The following BNC2 variants were observed in gnomAD, a reference collection of about 807,000 sequenced individuals.
BNC2 encodes zinc finger protein basonuclin-2.
BNC2 carries 20 observed loss-of-function variants against 76.3 expected under a neutral mutation model. The observed-to-expected ratio is 0.26, with a 90% CI of 0.18 to 0.38. BNC2 has a LOEUF of 0.38. BNC2 is among the 10% of genes least tolerant of loss of function. BNC2 has a pLI of 1.00. For synonymous variants in BNC2, 582 were observed against 514.8 expected, an observed-to-expected ratio of 1.13 and a Z score of -1.77; for missense variants, 1,382 against 1,399.8, an observed-to-expected ratio of 0.99 and a Z score of 0.20.
rs995670151 is a variant in BNC2, at chr9:16,791,975, G to A, written c.4-53490C>T. On this transcript the variant is annotated intron_variant, in intron 1 of 6. Transcript: ENST00000380672. ...AAATTAGCCAGGTGTGGTTGCTCGT[G>A]CCTGTGGTCCCAACTACTTGGGAGG... Among the ~76,000 whole-genome samples, 6 of 151,872 alleles carry A rather than the reference G, an allele frequency of 4.0e-5. No homozygotes were observed. The East Asian group carries it at 7.8e-4, about 20-fold the overall frequency.
At chr9:16,440,892 G>C (rs139769458) in intron 5 of BNC2, among the ~76,000 whole-genome samples, 13 of 152,252 alleles carry the variant, frequency 8.5e-5, no homozygotes, top group African/African-American at 2.6e-4. Flanking sequence ...TATTTATAGT[G>C]GTAATAGAAG....
intron 5 of BNC2, among the ~76,000 whole-genome samples, chr9:16,467,743 T>C (rs1286916953): frequency 7.0e-6 from 1 of 142,758 alleles, no homozygotes; most frequent in Non-Finnish European, 1.5e-5. Context: ...GATGACACGT[T>C]AGTGGGTGCA....
In BNC2 at chr9:16,698,744, C is replaced by A. The variant is rs537865982; in HGVS notation, c.330+29053G>T. Among the ~76,000 whole-genome samples, 4 of 152,050 alleles carry A rather than the reference C, an allele frequency of 2.6e-5. No homozygotes were observed. The South Asian group carries it at 8.3e-4, about 32-fold the overall frequency. On this transcript the variant is annotated intron_variant, in intron 3 of 6. Transcript: ENST00000380672. ...CTATATTTACGGACATGGAAAGATA[C>A]TTAGGATAACAATGCATTTTTTAAA...
At chr9:16,459,216 G>A (rs1436337490) in intron 5 of BNC2, among the ~76,000 whole-genome samples, 1 of 152,126 alleles carries the variant, frequency 6.6e-6, no homozygotes, top group African/African-American at 2.4e-5. Context: ...ATTCTAACAC[G>A]TGCAATCACG....
At chr9:16,618,070 T>G (rs1339274327) in intron 3 of BNC2, among the ~76,000 whole-genome samples, 1 of 152,218 alleles carries the variant, frequency 6.6e-6, no homozygotes, top group Non-Finnish European at 1.5e-5. Flanking sequence ...CTACCTATTC[T>G]ACGTGCCCTC....
intron 3 of BNC2, among the ~76,000 whole-genome samples, chr9:16,671,285 G>C (rs1822470147): frequency 6.6e-6 from 1 of 152,098 alleles, no homozygotes; most frequent in Non-Finnish European, 1.5e-5. Flanking sequence ...AAAATGTATG[G>C]ATAAAATAAT....
At chr9:16,719,455 A>C (rs1824083676) in intron 3 of BNC2, among the ~76,000 whole-genome samples, 1 of 152,226 alleles carries the variant, frequency 6.6e-6, no homozygotes, top group Admixed American at 6.5e-5. Flanking sequence ...AACGTTCACT[A>C]ACCTGTTATC....
At chr9:16,508,576 T>C (rs1392842638) in intron 5 of BNC2, among the ~76,000 whole-genome samples, 2 of 152,202 alleles carry the variant, frequency 1.3e-5, no homozygotes, top group African/African-American at 4.8e-5. Flanking sequence ...ACACCTGAAT[T>C]TATTATGGCC....
In BNC2 at chr9:16,418,590, A is replaced by T. The variant is rs1414723051; in HGVS notation, c.*399T>A. ...TTTCCCTTTTATTTTTGCAGGCAAC[A>T]GTCATGGGTACAACAAATTGTCTCT... On this transcript the variant is annotated 3_prime_UTR_variant, in exon 7 of 7. Coordinates refer to ENST00000380672, the MANE Select transcript of BNC2 (RefSeq NM_017637.6). 6.2e-6 allele frequency: 1 copy of T among 162,268 alleles called. No homozygotes were observed. The highest frequency in any genetic ancestry group is 2.4e-5 in the African/African-American group (1 of 41,612). The allele number at this position is 162,268 out of a possible 1,614,324, so 10.1% of individuals were successfully genotyped here.
intron 5 of BNC2, among the ~76,000 whole-genome samples, chr9:16,459,998 T>C (rs1821539775): frequency 6.6e-6 from 1 of 152,214 alleles, no homozygotes; most frequent in Non-Finnish European, 1.5e-5. Context: ...GTGAGTAGAC[T>C]GTTGTCAGGT....
intron 3 of BNC2, among the ~76,000 whole-genome samples, chr9:16,628,392 GT>G (rs1175357491): frequency 2.0e-5 from 3 of 152,124 alleles, no homozygotes; most frequent in Non-Finnish European, 2.9e-5. Context: ...AAAACCTTAA[GT>G]TTTCAGAAAA....
chr9:16,757,067 A>G (rs5015539), intron 1 of BNC2, among the ~76,000 whole-genome samples: 122,577 of 151,386 alleles, frequency 0.81, 51,096 homozygotes, highest in Non-Finnish European at 0.91. Context: ...TTCCAACACT[A>G]GTAATTACTT....
intron 5 of BNC2, among the ~76,000 whole-genome samples, chr9:16,534,671 A>C (rs1365573311): frequency 1.3e-5 from 2 of 152,184 alleles, no homozygotes; most frequent in Non-Finnish European, 2.9e-5. Context: ...ATCTATAAGA[A>C]GTACAGAGAA....
intron 5 of BNC2, among the ~76,000 whole-genome samples, chr9:16,473,810 T>G (rs555208232): frequency 6.6e-6 from 1 of 152,170 alleles, no homozygotes; most frequent in South Asian, 2.1e-4. Context: ...GAGGCGGAGG[T>G]TGCAGTGAGC....
At chr9:16,704,568 G>GAAAAA (rs34866692) in intron 3 of BNC2, among the ~76,000 whole-genome samples, 1 of 135,868 alleles carries the variant, frequency 7.4e-6, no homozygotes. Flanking sequence ...TGCCAAAAAG[G>GAAAAA]AAAAAAAAAA....
chr9:16,781,467 C>T (rs908330297), intron 1 of BNC2, among the ~76,000 whole-genome samples: 2 of 152,190 alleles, frequency 1.3e-5, no homozygotes, highest in African/African-American at 2.4e-5. Flanking sequence ...CTCAGCCACC[C>T]GAGCAGCTGG....
At chr9:16,421,552 G>C (rs574362663) in intron 6 of BNC2, among the ~76,000 whole-genome samples, 104 of 152,256 alleles carry the variant, frequency 6.8e-4, no homozygotes, top group African/African-American at 2.4e-3. Flanking sequence ...CAAATTCACA[G>C]CATCATCATC....
chr9:16,773,336 C>T (rs1825877581), intron 1 of BNC2, among the ~76,000 whole-genome samples: 1 of 152,064 alleles, frequency 6.6e-6, no homozygotes, highest in East Asian at 1.9e-4. Flanking sequence ...ATCCTGCCTG[C>T]CTGTCACTCT....
At chr9:16,484,864 A>G (rs916331806) in intron 5 of BNC2, among the ~76,000 whole-genome samples, 1 of 152,198 alleles carries the variant, frequency 6.6e-6, no homozygotes, top group African/African-American at 2.4e-5. Context: ...GGGAAGACCA[A>G]TGACAAGTGA....
Sources: allele counts gnomAD v4.1 joint callset (sites outside exome capture counted in the v4.1 genomes callset), GRCh38; gene constraint gnomAD v4.1.1; transcripts MANE v1.5; gene names NCBI Gene and HGNC (gene_info 2026-07-23, HGNC 2026-07-21).